Variants in MYLK4 observed in about 807,000 individuals in gnomAD.
MYLK4 encodes caMLCK like.
In MYLK4, 46 loss-of-function variants were observed where a neutral mutation model predicts 48.1. The observed-to-expected ratio is 0.96, with a 90% confidence interval of 0.75 to 1.22. The LOEUF (loss-of-function observed/expected upper bound fraction) is 1.22. MYLK4 is among the 50% of genes most tolerant of loss of function. MYLK4 has a pLI of 0.00. For synonymous variants in MYLK4, 170 were observed against 180.8 expected, an observed-to-expected ratio of 0.94 and a Z score of 0.48; for missense variants, 451 against 486.1, an observed-to-expected ratio of 0.93 and a Z score of 0.68.
intron 2 of MYLK4, among the ~76,000 whole-genome samples, chr6:2,742,937 AT>A (rs923323169): frequency 3.3e-5 from 5 of 152,094 alleles, no homozygotes; most frequent in African/African-American, 1.2e-4. Context: ...CCCTAGAGAA[AT>A]TTTTTTAACT....
chr6:2,715,173 T>C (rs565677233), intron 2 of MYLK4, among the ~76,000 whole-genome samples: 147 of 151,364 alleles, frequency 9.7e-4, no homozygotes, highest in African/African-American at 3.4e-3. Flanking sequence ...CTGAGGAGAA[T>C]CACTTGAACC....
chr6:2,751,415 GA>G (rs1251220415), upstream of MYLK4, among the ~76,000 whole-genome samples: 1 of 152,192 alleles, frequency 6.6e-6, no homozygotes, highest in Non-Finnish European at 1.5e-5. Flanking sequence ...TAGCTCTAGG[GA>G]AAGGTCAAAG....
chr6:2,723,223 G>T (rs1763132455), intron 2 of MYLK4, among the ~76,000 whole-genome samples: 1 of 152,214 alleles, frequency 6.6e-6, no homozygotes. Context: ...AGCCTGGGAA[G>T]TCAAGGCTGC....
chr6:2,765,896 A>G, the MYLK4 span: 10 of 1,455,408 alleles, frequency 6.9e-6, no homozygotes, highest in Non-Finnish European at 9.0e-6. Context: ...AGCCGAGAGC[A>G]GCGAGGGCGA....
At chr6:2,734,403 G>C (rs1763588323) in intron 2 of MYLK4, among the ~76,000 whole-genome samples, 1 of 152,172 alleles carries the variant, frequency 6.6e-6, no homozygotes. Context: ...TCCCAGGGCA[G>C]AGGGAGTGCT....
At chr6:2,715,524 C>T (rs966660242) in intron 2 of MYLK4, among the ~76,000 whole-genome samples, 6 of 152,162 alleles carry the variant, frequency 3.9e-5, no homozygotes, top group East Asian at 1.9e-4. Context: ...CAGAGAAAAG[C>T]GTGGTGTTAA....
At chr6:2,755,709 T>G (rs1474015890), upstream of MYLK4, among the ~76,000 whole-genome samples, 1 of 152,162 alleles carries the variant, frequency 6.6e-6, no homozygotes, top group Non-Finnish European at 1.5e-5. Context: ...AGGCTAAGTT[T>G]TGTATTTTTT....
At chr6:2,678,607 TA>T (rs1761175058) in intron 9 of MYLK4, among the ~76,000 whole-genome samples, 1 of 152,100 alleles carries the variant, frequency 6.6e-6, no homozygotes, top group Non-Finnish European at 1.5e-5. Context: ...GCTTCCTTTT[TA>T]AAGCACTTTT....
intron 6 of MYLK4, among the ~76,000 whole-genome samples, chr6:2,683,416 T>G (rs1761402843): frequency 1.4e-5 from 2 of 142,238 alleles, no homozygotes; most frequent in Non-Finnish European, 3.1e-5. Flanking sequence ...TGTGTGTGTG[T>G]GTGTGTGTGT....
chr6:2,679,318 G>T lies in MYLK4; in HGVS notation c.849C>A (p.Pro283=), dbSNP rs559751288. 1.2e-5 allele frequency: 20 copies of T among 1,614,148 alleles called. No individual in the cohort carries two copies. The African/African-American group carries it at 2.5e-4, about 20-fold the overall frequency. The change falls in exon 9 of 13, where the codon CCC becomes CCA. Residue 283 remains proline, a synonymous_variant. Transcript: ENST00000274643. The part of the protein sequence containing the change: ...EVVNYDFVSF[P]TDMWSVGVIA... Reference sequence around the variant, plus strand: ...TGACCCCCACACTCCACATGTCAGTGGGAAATGAAACAAAATCATAGTTCA... The same window carrying T: ...TGACCCCCACACTCCACATGTCAGTTGGAAATGAAACAAAATCATAGTTCA...
chr6:2,695,842 C>T (rs1762038066), intron 2 of MYLK4, among the ~76,000 whole-genome samples: 1 of 152,164 alleles, frequency 6.6e-6, no homozygotes, highest in Non-Finnish European at 1.5e-5. Flanking sequence ...TTTGTAGATA[C>T]ACCTTGTTTA....
intron 2 of MYLK4, among the ~76,000 whole-genome samples, chr6:2,718,041 G>A (rs9503275): frequency 0.031 from 4,774 of 152,144 alleles, 239 homozygotes; most frequent in African/African-American, 0.11. Context: ...TTAGCTGGGA[G>A]TGGTGGCGCA....
At chr6:2,718,009 C>T (rs988219266) in intron 2 of MYLK4, among the ~76,000 whole-genome samples, 5 of 152,110 alleles carry the variant, frequency 3.3e-5, no homozygotes, top group South Asian at 2.1e-4. Context: ...GGAGAAACCC[C>T]GTCTCTACCA....
chr6:2,681,652 TC>T (rs1307274385), intron 7 of MYLK4, among the ~76,000 whole-genome samples: 1 of 152,052 alleles, frequency 6.6e-6, no homozygotes, highest in Non-Finnish European at 1.5e-5. Context: ...ACCTATAATC[TC>T]CCCCCACATA....
chr6:2,692,137 T>C (rs1441963181), intron 3 of MYLK4, among the ~76,000 whole-genome samples: 1 of 152,208 alleles, frequency 6.6e-6, no homozygotes, highest in African/African-American at 2.4e-5. Flanking sequence ...TCTCTCTTCT[T>C]CAAACACTGG....
the MYLK4 span, among the ~76,000 whole-genome samples, chr6:2,768,372 T>A: frequency 6.6e-6 from 1 of 152,164 alleles, no homozygotes; most frequent in African/African-American, 2.4e-5. Flanking sequence ...CTCTGCTAAA[T>A]CAAGACAGCC....
the MYLK4 span, among the ~76,000 whole-genome samples, chr6:2,758,990 A>G: frequency 4.1e-4 from 63 of 151,880 alleles, no homozygotes; most frequent in African/African-American, 1.5e-3. Context: ...CACCAGCACT[A>G]TAAGAATTCT....
chr6:2,762,837 A>T, the MYLK4 span, among the ~76,000 whole-genome samples: 1 of 152,108 alleles, frequency 6.6e-6, no homozygotes, highest in Admixed American at 6.5e-5. Flanking sequence ...AGCATCTCTT[A>T]AGTTAGCCGT....
intron 2 of MYLK4, among the ~76,000 whole-genome samples, chr6:2,724,023 C>T (rs1031207576): frequency 1.3e-5 from 2 of 151,936 alleles, no homozygotes; most frequent in Non-Finnish European, 2.9e-5. Flanking sequence ...ATTACAGGTG[C>T]GTGCCACTAC....
Sources: gnomAD v4.1 joint callset for allele counts (sites outside exome capture counted in the v4.1 genomes callset) on GRCh38, gnomAD v4.1.1 for gene constraint, MANE v1.5 for transcripts, NCBI Gene and HGNC (gene_info 2026-07-23, HGNC 2026-07-21) for gene names.